Variants in INPP5A observed in about 807,000 individuals in gnomAD.
INPP5A encodes the protein 43 kDa inositol polyphosphate 5-phophatase.
In INPP5A, 14 loss-of-function variants were observed where a neutral mutation model predicts 65.2. The ratio of observed to expected loss-of-function variants is 0.21; its 90% CI spans 0.14 to 0.34. The LOEUF is 0.34. INPP5A is among the 10% of genes least tolerant of loss of function. INPP5A has a pLI of 1.00. For synonymous variants in INPP5A, 207 were observed against 208.3 expected (o/e 0.99, Z 0.05); for missense variants, 431 against 545.6 (o/e 0.79, Z 2.09).
intron 6 of INPP5A, among the ~76,000 whole-genome samples, chr10:132,701,464 C>T (rs1845436299): frequency 6.6e-6 from 1 of 152,256 alleles, no homozygotes; most frequent in Admixed American, 6.5e-5. Flanking sequence ...ACCCCCAGCC[C>T]TGGCCATACA....
intron 8 of INPP5A, among the ~76,000 whole-genome samples, chr10:132,711,062 G>A (rs1845628627): frequency 6.6e-6 from 1 of 152,206 alleles, no homozygotes; most frequent in Non-Finnish European, 1.5e-5. Context: ...ACTTGGATGG[G>A]GATGGCTTCA....
chr10:132,559,876 A>G (rs2071179238), intron 1 of INPP5A, among the ~76,000 whole-genome samples: 2 of 152,196 alleles, frequency 1.3e-5, no homozygotes, highest in African/African-American at 2.4e-5. Context: ...ATCACATTTC[A>G]TGTATCTGTT....
chr10:132,615,339 T>G (rs1282938679), intron 2 of INPP5A, among the ~76,000 whole-genome samples: 2 of 152,190 alleles, frequency 1.3e-5, no homozygotes, highest in Non-Finnish European at 2.9e-5. Context: ...GTTTTAGCCT[T>G]TAAAAAATGT....
At chr10:132,600,051 G>C (rs1000566536) in intron 1 of INPP5A, among the ~76,000 whole-genome samples, 2 of 152,214 alleles carry the variant, frequency 1.3e-5, no homozygotes, top group African/African-American at 4.8e-5. Context: ...ATGTGGCCTG[G>C]AGACATTTTC....
intron 1 of INPP5A, among the ~76,000 whole-genome samples, chr10:132,596,344 C>T (rs2071687602): frequency 6.6e-6 from 1 of 152,116 alleles, no homozygotes; most frequent in Non-Finnish European, 1.5e-5. Context: ...AAGCTTCTGG[C>T]ACATGTACAT....
chr10:132,728,819 C>T (rs1446668120), intron 9 of INPP5A, among the ~76,000 whole-genome samples: 1 of 152,204 alleles, frequency 6.6e-6, no homozygotes, highest in Non-Finnish European at 1.5e-5. Flanking sequence ...CGCACTGGAG[C>T]AGCCGCGGGA....
In INPP5A at chr10:132,549,726, G is replaced by C. The variant is rs963006215; in HGVS notation, c.75+11555G>C. On this transcript the variant is annotated intron_variant, in intron 1 of 15. Transcript: ENST00000368594. This position sits in a 1 kb window ranked among gnomAD's most constrained non-coding sequence, Gnocchi z 4.9. ...GGCTTCCGTGAGGCTCTGTGACACA[G>C]GTCGGGGCCACCCAGCCCAGCCTGG... Among the ~76,000 whole-genome samples the C allele has an allele frequency of 3.3e-5, 5 of 152,250 alleles. No homozygotes were observed. Among genetic ancestry groups the C allele is most frequent in the African/African-American group, 1.2e-4 (5 of 41,470 alleles).
At chr10:132,744,637 G>A (rs1846335595) in intron 9 of INPP5A, among the ~76,000 whole-genome samples, 1 of 152,186 alleles carries the variant, frequency 6.6e-6, no homozygotes, top group Non-Finnish European at 1.5e-5. Flanking sequence ...GCTGCCTGTG[G>A]TGTTTCTAGA....
At chr10:132,540,965 C>G (rs1178362332) in intron 1 of INPP5A, among the ~76,000 whole-genome samples, 1 of 152,160 alleles carries the variant, frequency 6.6e-6, no homozygotes, top group Non-Finnish European at 1.5e-5. Context: ...TTTTGAAAGT[C>G]TCCCCTCTTA....
At chr10:132,558,457 G>A (rs936377906) in intron 1 of INPP5A, among the ~76,000 whole-genome samples, 10 of 152,206 alleles carry the variant, frequency 6.6e-5, no homozygotes, top group Middle Eastern at 3.2e-3. Context: ...CCACGTCCAC[G>A]TCGGCTCCTG....
Position 132,706,075 on chromosome 10 carries a change from G to A in INPP5A, c.475-2238G>A, listed in dbSNP as rs546255917. 2.0e-5 allele frequency among the ~76,000 whole-genome samples: 3 copies of A among 152,356 alleles called. No homozygotes were observed. Among genetic ancestry groups the A allele is most frequent in the African/African-American group, 7.2e-5 (3 of 41,584 alleles). On this transcript the variant is annotated intron_variant, in intron 6 of 15. Coordinates refer to ENST00000368594, the MANE Select transcript of INPP5A (RefSeq NM_005539.5). The surrounding 1 kb of genome is among the most constrained non-coding windows in gnomAD (Gnocchi z 4.7). Reference sequence around the variant, plus strand: ...AAGGGAATATGAAGAGGAGCCTGTAGAAACATTAAACATTCTGCATTAGAA... The same window carrying A: ...AAGGGAATATGAAGAGGAGCCTGTAAAAACATTAAACATTCTGCATTAGAA...
In INPP5A at chr10:132,637,992, C is replaced by T. The variant is rs2072379141; in HGVS notation, c.118-7876C>T. Among the ~76,000 whole-genome samples, 1 of 152,080 alleles carries T rather than the reference C, an allele frequency of 6.6e-6. No individual in the cohort carries two copies. Among genetic ancestry groups the T allele is most frequent in the African/African-American group, 2.4e-5 (1 of 41,386 alleles). On this transcript the variant is annotated intron_variant, in intron 2 of 15. Coordinates refer to ENST00000368594, the MANE Select transcript of INPP5A (RefSeq NM_005539.5). The surrounding 1 kb of genome is among the most constrained non-coding windows in gnomAD (Gnocchi z 4.1). ...GTTTGCAAGATTCCTAATTTAATAG[C>T]ACCCTCTTGTGTTGGTATTGCAAAG...
Position 132,710,318 on chromosome 10 carries a change from T to A in INPP5A, c.528-19T>A. ...GGCTCCGGCCCTTGGTGACGTGTCCTTTTCTCTTTTGGTTGCAGTGCCTTT... is the reference window on the plus strand; with the variant it reads ...GGCTCCGGCCCTTGGTGACGTGTCCATTTCTCTTTTGGTTGCAGTGCCTTT... On this transcript the variant is annotated intron_variant, in intron 7 of 15. Transcript: ENST00000368594. 4 of 1,612,990 alleles carry A rather than the reference T, an allele frequency of 2.5e-6. No individual in the cohort carries two copies.
At position 132,546,528 on chromosome 10, in the gene INPP5A, C is replaced by CG. The variant is rs1263974461; in HGVS notation, c.75+8363dup. ...GCTGGGGACCAGCTGGTTGCTGTGT[C>CG]GGGGGGCCGTGCTCCCCCTTCTCTC... On this transcript the variant is annotated intron_variant, in intron 1 of 15. Transcript: ENST00000368594. The surrounding 1 kb of genome is among the most constrained non-coding windows in gnomAD (Gnocchi z 5.7). Among the ~76,000 whole-genome samples the CG allele has an allele frequency of 6.6e-6, 1 of 152,036 alleles. No individual in the cohort carries two copies. Among genetic ancestry groups the CG allele is most frequent in the East Asian group, 1.9e-4 (1 of 5,184 alleles).
chr10:132,751,017 G>T (rs776257174), intron 11 of INPP5A, among the ~76,000 whole-genome samples: 3 of 152,340 alleles, frequency 2.0e-5, no homozygotes, highest in Non-Finnish European at 2.9e-5. Flanking sequence ...AAGAGCTGGG[G>T]TCTCTCAGTG....
rs555755012 is a variant in INPP5A, at chr10:132,599,874, C to T, written c.76-8041C>T. Among the ~76,000 whole-genome samples the T allele has an allele frequency of 2.0e-3, 301 of 152,338 alleles. 2 individuals carry two copies. The highest frequency in any genetic ancestry group is 6.8e-3 in the African/African-American group (282 of 41,576). ...GCTTCCACCCTCTGAAGCCACAGCCCGAGCTGTATGTTGGCCCCTTTTAGC... is the reference window on the plus strand; with the variant it reads ...GCTTCCACCCTCTGAAGCCACAGCCTGAGCTGTATGTTGGCCCCTTTTAGC... On this transcript the variant is annotated intron_variant, in intron 1 of 15. Coordinates refer to ENST00000368594, the MANE Select transcript of INPP5A (RefSeq NM_005539.5).
intron 9 of INPP5A, among the ~76,000 whole-genome samples, chr10:132,737,183 C>G (rs1846191565): frequency 6.6e-6 from 1 of 152,208 alleles, no homozygotes; most frequent in Admixed American, 6.5e-5. Context: ...AGGATTTGGC[C>G]CATCCCACAG....
intron 12 of INPP5A, among the ~76,000 whole-genome samples, chr10:132,775,970 G>A (rs189130411): frequency 5.7e-4 from 87 of 152,226 alleles, no homozygotes; most frequent in Non-Finnish European, 1.0e-3. Context: ...TGTCCGGGGG[G>A]CAGTGGACGT....
At chr10:132,754,643 CAG>C (rs1251638370) in intron 11 of INPP5A, among the ~76,000 whole-genome samples, 1 of 152,252 alleles carries the variant, frequency 6.6e-6, no homozygotes, top group Non-Finnish European at 1.5e-5. Flanking sequence ...CCTTCTAACT[CAG>C]AAGACAGGGT....
Sources: allele counts gnomAD v4.1 joint callset (sites outside exome capture counted in the v4.1 genomes callset), GRCh38; gene constraint gnomAD v4.1.1; non-coding constraint Gnocchi (gnomAD v3.1); transcripts MANE v1.5; gene names NCBI Gene and HGNC (gene_info 2026-07-23, HGNC 2026-07-21).